The following SMOC2 variants were observed in gnomAD, a reference collection of about 807,000 sequenced individuals.
The protein encoded by SMOC2 is SPARC-related modular calcium-binding protein 2.
SMOC2 carries 39 observed loss-of-function variants against 61.4 expected under a neutral mutation model. The observed-to-expected ratio is 0.64, with a 90% CI of 0.49 to 0.83. SMOC2 has a LOEUF of 0.83. SMOC2 is among the 40% of genes least tolerant of loss of function. SMOC2 has a pLI of 0.00. For synonymous variants in SMOC2, 247 were observed against 239.9 expected (o/e 1.03, Z -0.27); for missense variants, 556 against 592.9 (o/e 0.94, Z 0.65).
Position 168,484,979 on chromosome 6 carries a change from G to A in SMOC2, c.85-24936G>A, listed in dbSNP as rs73272924. Reference sequence around the variant, plus strand: ...GGGAGGGAGTGTTTGATGGAGACAGGGGTTGAGCTTTACAAGTTGGAAGTG... The same window carrying A: ...GGGAGGGAGTGTTTGATGGAGACAGAGGTTGAGCTTTACAAGTTGGAAGTG... On this transcript the variant is annotated intron_variant, in intron 1 of 12. Transcript: ENST00000356284. 1.7e-3 allele frequency among the ~76,000 whole-genome samples: 259 copies of A among 152,256 alleles called. 3 individuals carry two copies. Among genetic ancestry groups the A allele is most frequent in the African/African-American group, 5.9e-3 (244 of 41,558 alleles).
At chr6:168,485,755 A>G (rs1042238762) in intron 1 of SMOC2, among the ~76,000 whole-genome samples, 10 of 152,152 alleles carry the variant, frequency 6.6e-5, no homozygotes, top group African/African-American at 2.4e-4. Flanking sequence ...GATTGTGTTA[A>G]TAGTGTTGTG....
At chr6:168,621,877 C>T (rs1214895943) in intron 9 of SMOC2, among the ~76,000 whole-genome samples, 4 of 152,182 alleles carry the variant, frequency 2.6e-5, no homozygotes, top group Non-Finnish European at 5.9e-5. Flanking sequence ...AACCATATCA[C>T]CACTCATTGC....
At position 168,541,942 on chromosome 6, in the gene SMOC2, A is replaced by G. The variant is rs564521005; in HGVS notation, c.464-1683A>G. ...GCGAAATTTTGAATTTGCAGTCTGTACTGTTCTGTCTGTACAGTGCAAAAT... is the reference window on the plus strand; with the variant it reads ...GCGAAATTTTGAATTTGCAGTCTGTGCTGTTCTGTCTGTACAGTGCAAAAT... On this transcript the variant is annotated intron_variant, in intron 4 of 12. Transcript: ENST00000356284. Among the ~76,000 whole-genome samples, 41 of 152,342 alleles carry G rather than the reference A, an allele frequency of 2.7e-4. 1 individual carries two copies. The highest frequency in any genetic ancestry group is 7.2e-4 in the Admixed American group (11 of 15,298).
intron 1 of SMOC2, among the ~76,000 whole-genome samples, chr6:168,501,958 G>A (rs2115043188): frequency 6.6e-6 from 1 of 152,346 alleles, no homozygotes; most frequent in African/African-American, 2.4e-5. Flanking sequence ...GCAGGGCTGA[G>A]CCCCTGCCCT....
rs1477750514 is a variant in SMOC2, at chr6:168,441,313, G to A, written c.-58G>A. The stretch of plus-strand genomic sequence containing the variant: ...CGCGCTCGCCCACTGGGCTCTCCCG[G>A]CTGCAGTGCCAGGGCGCAGGACGCG... On this transcript the variant is annotated 5_prime_UTR_variant, in exon 1 of 13. Coordinates refer to ENST00000356284, the MANE Select transcript of SMOC2 (RefSeq NM_001166412.2). 1.4e-6 allele frequency: 2 copies of A among 1,475,640 alleles called. No individual in the cohort carries two copies. Among genetic ancestry groups the A allele is most frequent in the Non-Finnish European group, 1.8e-6 (2 of 1,120,544 alleles). The allele number at this position is 1,475,640 out of a possible 1,614,324, so 91.4% of individuals were successfully genotyped here. A position where few individuals can be genotyped will look rare whatever the true frequency, so the allele number is the denominator to read the frequency against.
At chr6:168,618,815 A>G (rs534006239) in intron 9 of SMOC2, among the ~76,000 whole-genome samples, 18 of 152,176 alleles carry the variant, frequency 1.2e-4, no homozygotes, top group Non-Finnish European at 2.4e-4. Context: ...CTCTCGACGC[A>G]GCAGGCACAC....
At chr6:168,556,866 A>G (rs1370639894) in intron 7 of SMOC2, among the ~76,000 whole-genome samples, 1 of 147,938 alleles carries the variant, frequency 6.8e-6, no homozygotes, top group African/African-American at 2.5e-5. Context: ...CAGTTTTGTC[A>G]TCTGTGAAAT....
chr6:168,463,566 G>A (rs1781760558), intron 1 of SMOC2, among the ~76,000 whole-genome samples: 1 of 152,142 alleles, frequency 6.6e-6, no homozygotes, highest in Admixed American at 6.5e-5. Flanking sequence ...GTATCCCCAG[G>A]AGCCAGGGGA....
chr6:168,462,904 A>C (rs1297972758), intron 1 of SMOC2, among the ~76,000 whole-genome samples: 3 of 152,186 alleles, frequency 2.0e-5, no homozygotes, highest in African/African-American at 7.2e-5. Context: ...GGATGATCAG[A>C]TGGTGAGAGG....
At chr6:168,639,813 A>G (rs6455542) in intron 9 of SMOC2, among the ~76,000 whole-genome samples, 20,828 of 152,182 alleles carry the variant, frequency 0.14, 1,605 homozygotes, top group East Asian at 0.21. Context: ...AAACTCAATC[A>G]TAAGATTACA....
chr6:168,502,739 TA>T (rs1487308128), intron 1 of SMOC2, among the ~76,000 whole-genome samples: 5 of 35,976 alleles, frequency 1.4e-4, no homozygotes, highest in South Asian at 2.4e-3. Context: ...TATTTTATTT[TA>T]ATTTAATTTA....
intron 1 of SMOC2, among the ~76,000 whole-genome samples, chr6:168,455,261 T>C (rs953813399): frequency 6.6e-6 from 1 of 152,198 alleles, no homozygotes; most frequent in Non-Finnish European, 1.5e-5. Context: ...GTCTGGTCTA[T>C]GAGTTTTCTT....
At chr6:168,621,771 C>T (rs1484374900) in intron 9 of SMOC2, among the ~76,000 whole-genome samples, 1 of 152,096 alleles carries the variant, frequency 6.6e-6, no homozygotes, top group African/African-American at 2.4e-5. Context: ...GAAAACCACC[C>T]CCATGGTCCA....
In SMOC2 at chr6:168,526,383, G is replaced by C; in HGVS notation, c.294G>C (p.Gln98His). The C allele has an allele frequency of 1.2e-6, 2 of 1,614,236 alleles. No homozygotes were observed. Among genetic ancestry groups the C allele is most frequent in the Non-Finnish European group, 1.7e-6 (2 of 1,180,044 alleles). ...GTGTGGCCGAAAGGAAGTATACCCA[G>C]GAGCAAGCCCGGAAGGAGTTTCAGC... Reference protein sequence around the residue: ...SRCVAERKYTQEQARKEFQQV... With the variant: ...SRCVAERKYTHEQARKEFQQV... The change falls in exon 3 of 13, where the codon CAG (glutamine) becomes CAC (histidine). Residue 98 changes from glutamine (Q) to histidine (H), a missense_variant. Gln to His is a conservative substitution (Grantham distance 24). Coordinates refer to ENST00000356284, the MANE Select transcript of SMOC2 (RefSeq NM_001166412.2).
At chr6:168,461,394 A>G (rs1000031663) in intron 1 of SMOC2, among the ~76,000 whole-genome samples, 13 of 152,202 alleles carry the variant, frequency 8.5e-5, no homozygotes, top group African/African-American at 2.4e-4. Flanking sequence ...TCATTTTTCA[A>G]TGGTGTTGGG....
intron 9 of SMOC2, among the ~76,000 whole-genome samples, chr6:168,616,185 A>C (rs988458492): frequency 3.3e-5 from 5 of 152,366 alleles, no homozygotes; most frequent in Admixed American, 3.3e-4. Context: ...TCAAAGACTG[A>C]ATTTACAGAC....
intron 1 of SMOC2, among the ~76,000 whole-genome samples, chr6:168,473,889 A>G (rs1315232538): frequency 6.6e-6 from 1 of 152,120 alleles, no homozygotes. Context: ...ACAGCACGGC[A>G]TGTGTGCTGC....
chr6:168,644,745 G>T (rs1786981616), intron 9 of SMOC2, among the ~76,000 whole-genome samples: 1 of 147,862 alleles, frequency 6.8e-6, no homozygotes, highest in Non-Finnish European at 1.5e-5. Context: ...CACCTCCCAG[G>T]TTCAAGTGAT....
chr6:168,600,134 G>A (rs1421649162), intron 8 of SMOC2, among the ~76,000 whole-genome samples: 3 of 152,118 alleles, frequency 2.0e-5, no homozygotes, highest in Admixed American at 1.3e-4. Context: ...GGTCAGGCGC[G>A]GTGGTTCACG....
Sources: allele counts gnomAD v4.1 joint callset (sites outside exome capture counted in the v4.1 genomes callset), GRCh38; gene constraint gnomAD v4.1.1; transcripts MANE v1.5; gene names NCBI Gene and HGNC (gene_info 2026-07-23, HGNC 2026-07-21).